PARP14: variants seen among roughly 807,000 people sequenced by gnomAD.
PARP14 encodes protein mono-ADP-ribosyltransferase PARP14.
A neutral mutation model predicts 154.2 loss-of-function variants in PARP14; 59 were observed. The observed-to-expected ratio is 0.38, with a 90% CI of 0.31 to 0.48. The LOEUF (loss-of-function observed/expected upper bound fraction) is 0.48. Ranked by LOEUF, PARP14 falls within the 20% of genes least tolerant of loss-of-function variation. The pLI is 0.98. For synonymous variants in PARP14, 720 were observed against 780.5 expected, an observed-to-expected ratio of 0.92 and a Z score of 1.29; for missense variants, 1,734 against 2,131.6, an observed-to-expected ratio of 0.81 and a Z score of 3.67.
At chr3:122,688,012 C>G (rs812048) in intron 3 of PARP14, among the ~76,000 whole-genome samples, 85,596 of 152,030 alleles carry the variant, frequency 0.56, 25,772 homozygotes, top group African/African-American at 0.77. Flanking sequence ...TGTCTAATAT[C>G]GATGTCCTGT....
At chr3:122,714,071 GACA>G in intron 11 of PARP14, 137 bp downstream of exon 11, 1 of 787,540 alleles carries the variant, frequency 1.3e-6, no homozygotes, top group Non-Finnish European at 2.1e-6. Context: ...TCCAATCACA[GACA>G]CTTAGAAGTG....
intron 12 of PARP14, among the ~76,000 whole-genome samples, chr3:122,716,644 C>T (rs144685562): frequency 2.8e-4 from 43 of 152,192 alleles, no homozygotes; most frequent in African/African-American, 9.4e-4. Flanking sequence ...CAAAATAGCT[C>T]CTCAATCCCT....
At chr3:122,715,116 A>G (rs1406740261) in intron 12 of PARP14, among the ~76,000 whole-genome samples, 1 of 150,484 alleles carries the variant, frequency 6.6e-6, no homozygotes, top group East Asian at 1.9e-4. Flanking sequence ...TTTTTTTTTT[A>G]ATTATACTGG....
At chr3:122,706,848 A>G (rs1355309125) in intron 8 of PARP14, among the ~76,000 whole-genome samples, 3 of 151,816 alleles carry the variant, frequency 2.0e-5, no homozygotes, top group Non-Finnish European at 4.4e-5. Flanking sequence ...TCACAGGTTT[A>G]TTAACACTAG....
chr3:122,685,830 T>A (rs562667010), intron 2 of PARP14, among the ~76,000 whole-genome samples: 100 of 152,294 alleles, frequency 6.6e-4, no homozygotes, highest in African/African-American at 2.3e-3. Context: ...TATGTGATTT[T>A]AGACACATTT....
At chr3:122,713,113 C>G (rs530632876) in intron 9 of PARP14, among the ~76,000 whole-genome samples, 1 of 152,346 alleles carries the variant, frequency 6.6e-6, no homozygotes, top group East Asian at 1.9e-4. Context: ...TGTAACTTTT[C>G]AGAGCTCTTG....
At chr3:122,704,167 T>C (rs1278464552) in intron 7 of PARP14, among the ~76,000 whole-genome samples, 189 bp downstream of exon 7, 1 of 152,244 alleles carries the variant, frequency 6.6e-6, no homozygotes, top group Non-Finnish European at 1.5e-5. Context: ...TAGTTAATAC[T>C]ATAAATGGAT....
rs138038911 is a variant in PARP14, at chr3:122,688,492, C to T, written c.355+1379C>T. Among the ~76,000 whole-genome samples the T allele has an allele frequency of 3.4e-4, 52 of 152,250 alleles. No homozygotes were observed. In the East Asian group the frequency reaches 7.7e-3, roughly 23 times the overall value. On this transcript the variant is annotated intron_variant, in intron 3 of 16. Coordinates refer to ENST00000474629, the MANE Select transcript of PARP14 (RefSeq NM_017554.3). ...GCCCATTTTCTAACCTGTTTTTACC[C>T]GACCTGGACTCTAAGGATAGTAGCC...
In PARP14 at chr3:122,727,996, C is replaced by A. The variant is rs200554526; in HGVS notation, c.5116+10C>A. On this transcript the variant is annotated intron_variant, in intron 16 of 16. Transcript: ENST00000474629. ...TATGCCGGAAAGAATGGTAAGGAAG[C>A]GAGTAATCTGGCTGCTTGGAATGAG... The A allele has an allele frequency of 6.2e-7, 1 of 1,602,616 alleles. No individual in the cohort carries two copies. The highest frequency in any genetic ancestry group is 8.5e-7 in the Non-Finnish European group (1 of 1,173,284).
chr3:122,723,650 C>T (rs1933213965), intron 15 of PARP14, among the ~76,000 whole-genome samples: 1 of 152,168 alleles, frequency 6.6e-6, no homozygotes, highest in Admixed American at 6.5e-5. Flanking sequence ...CATCAGGAAC[C>T]TCAGATGGTA....
chr3:122,728,486 T>C lies in PARP14; in HGVS notation c.5295T>C (p.Asn1765=), dbSNP rs753473814. The C allele has an allele frequency of 1.9e-6, 3 of 1,613,880 alleles. No individual in the cohort carries two copies. Among genetic ancestry groups the C allele is most frequent in the Non-Finnish European group, 2.5e-6 (3 of 1,179,804 alleles). The change falls in exon 17 of 17, where the codon AAT becomes AAC. Residue 1765 remains asparagine, a synonymous_variant. Coordinates refer to ENST00000474629, the MANE Select transcript of PARP14 (RefSeq NM_017554.3). Reference sequence around the variant, plus strand: ...TGCCTCCTTCAAAGAACCCTCAAAATCCTACTGACCTGTATGACACTGTCA... The same window carrying C: ...TGCCTCCTTCAAAGAACCCTCAAAACCCTACTGACCTGTATGACACTGTCA... The part of the protein sequence containing the change: ...LIVPPSKNPQ[N]PTDLYDTVTD...
chr3:122,685,536 G>C (rs1373827544), intron 2 of PARP14, among the ~76,000 whole-genome samples: 2 of 149,352 alleles, frequency 1.3e-5, no homozygotes, highest in Non-Finnish European at 3.0e-5. Context: ...TTGAGACGGA[G>C]TCTCGCTCTG....
intron 8 of PARP14, among the ~76,000 whole-genome samples, chr3:122,706,789 A>G (rs1429892993): frequency 6.6e-6 from 1 of 151,684 alleles, no homozygotes; most frequent in Non-Finnish European, 1.5e-5. Flanking sequence ...GAGGAAGAAA[A>G]TGATGATTAT....
chr3:122,682,927 C>T (rs545004104), intron 1 of PARP14, among the ~76,000 whole-genome samples: 5 of 151,984 alleles, frequency 3.3e-5, no homozygotes, highest in Admixed American at 6.6e-5. Flanking sequence ...TGGTGGTGTG[C>T]GCCTATAGTC....
Position 122,701,092 on chromosome 3 carries a change from G to C in PARP14, c.2538G>C (p.Gln846His). The C allele has an allele frequency of 6.2e-7, 1 of 1,614,028 alleles. No homozygotes were observed. The highest frequency in any genetic ancestry group is 8.5e-7 in the Non-Finnish European group (1 of 1,179,904). The stretch of plus-strand genomic sequence containing the variant: ...CAAAAGCAGCTGGCCCTGAGCTCCA[G>C]GCCGACTGTGACCAGATAGTGAAGA... ...ALSKAAGPEL[Q>H]ADCDQIVKRE... The change falls in exon 6 of 17, where the codon CAG becomes CAC. Residue 846 changes from glutamine to histidine, a missense_variant. By Grantham distance (24) the Gln-to-His change is conservative. Around this residue, in one of 2 missense-constraint regions of PARP14, gnomAD observed 1,646 missense variants for 1,976.0 expected, o/e 0.83. Coordinates refer to ENST00000474629, the MANE Select transcript of PARP14 (RefSeq NM_017554.3). The surrounding 1 kb of genome is among the most constrained non-coding windows in gnomAD (Gnocchi z 4.0).
chr3:122,730,044 A>C lies in PARP14; in HGVS notation c.*1447A>C, dbSNP rs138154513. On this transcript the variant is annotated 3_prime_UTR_variant, in exon 17 of 17. Transcript: ENST00000474629. ...GCACCTACATTGTGTGCCAGGTAGT[A>C]AAATAGGTGCTTTCATACACATTGT... The C allele has an allele frequency of 1.3e-5, 2 of 152,338 alleles. No individual in the cohort carries two copies. Among genetic ancestry groups the C allele is most frequent in the African/African-American group, 4.8e-5 (2 of 41,576 alleles). 9.4% of individuals were successfully genotyped at this position (152,338 alleles called of 1,614,324 possible). A position where few individuals can be genotyped will look rare whatever the true frequency, so the allele number is the denominator to read the frequency against.
At position 122,718,973 on chromosome 3, in the gene PARP14, C is replaced by A; in HGVS notation, c.4807+15C>A. 6.5e-7 allele frequency: 1 copy of A among 1,539,762 alleles called. No individual in the cohort carries two copies. Among genetic ancestry groups the A allele is most frequent in the Non-Finnish European group, 8.7e-7 (1 of 1,144,748 alleles). ...GAAATCCAAAGGTGAGTTAAACATT[C>A]ATACTTGTCATCCACTATTTCACAT... On this transcript the variant is annotated intron_variant, in intron 14 of 16. Transcript: ENST00000474629.
At chr3:122,696,012 G>T (rs928350236) in intron 5 of PARP14, among the ~76,000 whole-genome samples, 1 of 152,116 alleles carries the variant, frequency 6.6e-6, no homozygotes, top group Non-Finnish European at 1.5e-5. Flanking sequence ...ATTATGACAA[G>T]GTTAGGTAAA....
chr3:122,722,831 T>G lies in PARP14; in HGVS notation c.4941+2443T>G, dbSNP rs1483473346. On this transcript the variant is annotated intron_variant, in intron 15 of 16. Coordinates refer to ENST00000474629, the MANE Select transcript of PARP14 (RefSeq NM_017554.3). ...TGCAGACATCATGATACTCCTATTTTAGCAAGTATCTCCCAATTAAAGACA... is the reference window on the plus strand; with the variant it reads ...TGCAGACATCATGATACTCCTATTTGAGCAAGTATCTCCCAATTAAAGACA... Among the ~76,000 whole-genome samples the G allele has an allele frequency of 6.6e-5, 10 of 152,364 alleles. No homozygotes were observed. The East Asian group carries it at 1.9e-3, about 29-fold the overall frequency.
Sources: allele counts gnomAD v4.1 joint callset (sites outside exome capture counted in the v4.1 genomes callset), GRCh38; gene constraint gnomAD v4.1.1; regional missense constraint gnomAD v4.1.1; non-coding constraint Gnocchi (gnomAD v3.1); transcripts MANE v1.5; gene names NCBI Gene and HGNC (gene_info 2026-07-23, HGNC 2026-07-21).